TMEM150B: variants seen among roughly 807,000 people sequenced by gnomAD.
TMEM150B encodes modulator of macroautophagy TMEM150B.
TMEM150B carries 33 observed loss-of-function variants against 25.2 expected under a neutral mutation model. The observed-to-expected ratio is 1.31, with a 90% CI of 0.99 to 1.75. The LOEUF (loss-of-function observed/expected upper bound fraction) is 1.75, where lower values mean the gene tolerates loss of function less well. Ranked by LOEUF, TMEM150B falls within the 40% of genes most tolerant of loss-of-function variation. The pLI is 0.00. For missense variants in TMEM150B, 322 were observed against 306.1 expected, an observed-to-expected ratio of 1.05 and a Z score of -0.39; for synonymous variants, 133 against 134.8, an observed-to-expected ratio of 0.99 and a Z score of 0.09.
At chr19:55,309,658 C>T (rs2088737108), downstream of TMEM150B, among the ~76,000 whole-genome samples, 2 of 152,148 alleles carry the variant, frequency 1.3e-5, no homozygotes, top group Admixed American at 6.5e-5. Context: ...CCCTCATGAC[C>T]TCATCACCTC....
downstream of TMEM150B, chr19:55,312,014 A>T (rs2088810772): frequency 6.8e-7 from 1 of 1,462,868 alleles, no homozygotes. Flanking sequence ...CTCCCCGCCG[A>T]GGCCCCCCCA....
intron 7 of TMEM150B, among the ~76,000 whole-genome samples, chr19:55,316,211 C>T (rs905728858): frequency 6.6e-6 from 1 of 152,146 alleles, no homozygotes; most frequent in African/African-American, 2.4e-5. Context: ...CATGATATCA[C>T]AGGACATGGA....
At chr19:55,311,255 C>T (rs543176860), downstream of TMEM150B, among the ~76,000 whole-genome samples, 3 of 152,310 alleles carry the variant, frequency 2.0e-5, no homozygotes, top group African/African-American at 2.4e-5. Flanking sequence ...AGCCACTGCG[C>T]CCGGCCCACT....
chr19:55,315,485 G>T (rs2088965617), intron 7 of TMEM150B, among the ~76,000 whole-genome samples: 1 of 151,884 alleles, frequency 6.6e-6, no homozygotes, highest in African/African-American at 2.4e-5. Flanking sequence ...CAAAAGGCCA[G>T]GCACGGTGGC....
chr19:55,322,821 C>G (rs1314349405), intron 1 of TMEM150B, 78 bp from the exon 2 acceptor site: 3 of 666,160 alleles, frequency 4.5e-6, no homozygotes, highest in East Asian at 1.3e-4. Context: ...CTCTCTGTCC[C>G]CAAACCACCG....
intron 1 of TMEM150B, 126 bp downstream of exon 1, chr19:55,325,146 G>A (rs1220647350): frequency 1.5e-5 from 6 of 404,208 alleles, no homozygotes; most frequent in Non-Finnish European, 2.0e-5. Context: ...CTGGCACAAA[G>A]ATGAGTTTGG....
rs765937465 is a variant in TMEM150B, at chr19:55,312,872, G to T, written c.689C>A (p.Pro230Gln). ...TCAGGGTGCCTGCTACAGCTGGACC[G>T]GCAGGGAGATGGGGGAGGCCGGCGG... Reference protein sequence around the residue: ...SPPPASPISLPVQL With the variant: ...SPPPASPISLQVQL The change falls in exon 8 of 8, where the codon CCG becomes CAG. Residue 230 changes from proline to glutamine, a missense_variant. By Grantham distance (76) the Pro-to-Gln change is moderately conservative (BLOSUM62 -1). Transcript: ENST00000326652. The T allele has an allele frequency of 1.9e-6, 3 of 1,592,518 alleles. No homozygotes were observed. The highest frequency in any genetic ancestry group is 2.6e-6 in the Non-Finnish European group (3 of 1,170,838).
At chr19:55,313,747 G>A (rs1400016020) in intron 7 of TMEM150B, among the ~76,000 whole-genome samples, 4 of 152,096 alleles carry the variant, frequency 2.6e-5, no homozygotes, top group African/African-American at 9.7e-5. Context: ...TCCCTCCTCT[G>A]GTTCTCGCAC....
chr19:55,313,736 G>A (rs972751575), intron 7 of TMEM150B, among the ~76,000 whole-genome samples: 27 of 151,962 alleles, frequency 1.8e-4, no homozygotes, highest in Non-Finnish European at 2.9e-5. Flanking sequence ...GGTCTGTCCC[G>A]TCCCTCCTCT....
chr19:55,318,220 G>T (rs1412795930), intron 6 of TMEM150B, among the ~76,000 whole-genome samples: 1 of 150,930 alleles, frequency 6.6e-6, no homozygotes, highest in East Asian at 2.0e-4. Flanking sequence ...AAGTAGCCGG[G>T]CGTGGTGGTG....
intron 1 of TMEM150B, among the ~76,000 whole-genome samples, chr19:55,323,564 G>A (rs1383181851): frequency 1.2e-4 from 18 of 147,952 alleles, no homozygotes; most frequent in Non-Finnish European, 2.2e-4. Context: ...GTGCAGTGGC[G>A]CAATTTCGGC....
downstream of TMEM150B, chr19:55,312,053 G>A (rs113284733): frequency 6.8e-7 from 1 of 1,477,312 alleles, no homozygotes. Flanking sequence ...CCACCAACGG[G>A]ACCCCTCTGC....
downstream of TMEM150B, chr19:55,311,771 C>A: frequency 1.2e-6 from 1 of 867,108 alleles, no homozygotes; most frequent in Non-Finnish European, 1.7e-6. Context: ...GCTGGACGGA[C>A]TGGGCCTTAT....
At chr19:55,320,363 C>G (rs781677026) in intron 5 of TMEM150B, 28 bp downstream of exon 5, 7 of 1,519,170 alleles carry the variant, frequency 4.6e-6, no homozygotes, top group Non-Finnish European at 6.2e-6. Flanking sequence ...CTTGGGAGCA[C>G]TGAACCAAAG....
At chr19:55,311,054 G>A (rs1219217308), downstream of TMEM150B, among the ~76,000 whole-genome samples, 2 of 152,066 alleles carry the variant, frequency 1.3e-5, no homozygotes, top group African/African-American at 4.8e-5. Flanking sequence ...TCCACCTCCC[G>A]GGTTTCAAAT....
rs776883448 is a variant in TMEM150B, at chr19:55,316,770, G to A, written c.505+16C>T. ...AGAGCCACCTCCAAGCCCTACCCCG[G>A]ATACAAGAAGGATACTGGCCACAAT... On this transcript the variant is annotated intron_variant, in intron 7 of 7. Coordinates refer to ENST00000326652, the MANE Select transcript of TMEM150B (RefSeq NM_001282011.2). The A allele has an allele frequency of 1.3e-6, 2 of 1,486,244 alleles. No homozygotes were observed. Among genetic ancestry groups the A allele is most frequent in the East Asian group, 5.2e-5 (2 of 38,642 alleles). 92.1% of individuals were successfully genotyped at this position (1,486,244 alleles called of 1,614,324 possible). A position where few individuals can be genotyped will look rare whatever the true frequency, so the allele number is the denominator to read the frequency against.
intron 1 of TMEM150B, chr19:55,324,811 TC>T (rs2123155101): frequency 1.0e-6 from 1 of 985,426 alleles, no homozygotes; most frequent in East Asian, 1.1e-4. Context: ...TCCGGAGGTC[TC>T]CGTTTGCCCA....
chr19:55,321,069 G>T lies in TMEM150B; in HGVS notation c.-33C>A. 2 of 1,601,690 alleles carry T rather than the reference G, an allele frequency of 1.2e-6. No individual in the cohort carries two copies. The highest frequency in any genetic ancestry group is 2.3e-5 in the East Asian group (1 of 44,336). On this transcript the variant is annotated 5_prime_UTR_variant, in exon 3 of 8. Transcript: ENST00000326652. ...TCTGCAGGTGAAGGATCGGGGCTGA[G>T]GCTGGACACCTGTCTCTCTCACACC...
At chr19:55,314,649 G>A (rs1020527212) in intron 7 of TMEM150B, among the ~76,000 whole-genome samples, 2 of 151,638 alleles carry the variant, frequency 1.3e-5, no homozygotes, top group African/African-American at 2.4e-5. Context: ...GAAGGCCCCT[G>A]TGGCTAAACT....
Sources: gnomAD v4.1 joint callset for allele counts (sites outside exome capture counted in the v4.1 genomes callset) on GRCh38, gnomAD v4.1.1 for gene constraint, MANE v1.5 for transcripts, NCBI Gene and HGNC (gene_info 2026-07-23, HGNC 2026-07-21) for gene names.